Variants in HEPHL1 observed in about 807,000 individuals in gnomAD.
HEPHL1 encodes the protein hephaestin like 1.
Under a neutral mutation model 122.0 loss-of-function variants are expected in HEPHL1, and 123 were observed. The ratio of observed to expected loss-of-function variants is 1.01; its 90% CI spans 0.87 to 1.17. The LOEUF is 1.17. HEPHL1 is among the 50% of genes most tolerant of loss of function. The probability of loss-of-function intolerance (pLI) is 0.00; values close to 1 mark genes in which losing one functional copy is unlikely to be tolerated. For synonymous variants in HEPHL1, 527 were observed against 508.9 expected, an observed-to-expected ratio of 1.04 and a Z score of -0.48; for missense variants, 1,452 against 1,430.5, an observed-to-expected ratio of 1.01 and a Z score of -0.24.
In HEPHL1 at chr11:94,039,296, A is replaced by G. The variant is rs1001594325; in HGVS notation, c.171-6377A>G. On this transcript the variant is annotated intron_variant, in intron 1 of 19. Transcript: ENST00000315765. ...GGGAGACTTTAACACCTCACTGTCA[A>G]CATTAGACAGATCAACGAGACAGAA... Among the ~76,000 whole-genome samples the G allele has an allele frequency of 4.0e-5, 6 of 151,496 alleles. No individual in the cohort carries two copies. In the South Asian group the frequency reaches 6.4e-4, roughly 16 times the overall value.
At chr11:94,068,454 A>G (rs1293161697) in intron 5 of HEPHL1, among the ~76,000 whole-genome samples, 1 of 152,182 alleles carries the variant, frequency 6.6e-6, no homozygotes, top group African/African-American at 2.4e-5. Context: ...TAGGTGCATG[A>G]TAAACATTTG....
chr11:94,106,021 A>G lies in HEPHL1; in HGVS notation c.2936A>G (p.His979Arg), dbSNP rs1946405501. The G allele has an allele frequency of 6.3e-7, 1 of 1,598,342 alleles. No homozygotes were observed. Among genetic ancestry groups the G allele is most frequent in the African/African-American group, 1.3e-5 (1 of 74,884 alleles). ...AATGGAAAGATTTTTGGGAATCTCC[A>G]TGGCCTCATAATGAACGAAGATACA... ...AINGKIFGNL[H>R]GLIMNEDTMT... The change falls in exon 17 of 20, where the codon CAT (histidine) becomes CGT (arginine). Residue 979 changes from histidine to arginine, a missense_variant. Physicochemically the swap from His to Arg is conservative, Grantham distance 29. Transcript: ENST00000315765.
intron 5 of HEPHL1, among the ~76,000 whole-genome samples, chr11:94,069,924 T>C (rs1165362999): frequency 6.6e-6 from 1 of 152,148 alleles, no homozygotes; most frequent in African/African-American, 2.4e-5. Context: ...TGTATGAGTA[T>C]GGCTCTTTCC....
Position 94,055,992 on chromosome 11 carries a change from T to G in HEPHL1, c.416-7516T>G, listed in dbSNP as rs1945933143. On this transcript the variant is annotated intron_variant, in intron 2 of 19. Transcript: ENST00000315765. Reference sequence around the variant, plus strand: ...AGCCATGTTTCCTTCTGCTGGACCCTTTCGCAGCCAGCTTCCATTCTCTGT... The same window carrying G: ...AGCCATGTTTCCTTCTGCTGGACCCGTTCGCAGCCAGCTTCCATTCTCTGT... 7 of 991,930 alleles carry G rather than the reference T, an allele frequency of 7.1e-6. No individual in the cohort carries two copies. The South Asian group carries it at 1.1e-4, about 15-fold the overall frequency. The allele number at this position is 991,930 out of a possible 1,614,324, so 61.4% of individuals were successfully genotyped here.
chr11:94,055,890 T>A, intron 2 of HEPHL1: 1 of 742,826 alleles, frequency 1.3e-6, no homozygotes. Flanking sequence ...ATCCACATAA[T>A]ATAAGGCAGA....
At chr11:94,076,595 T>TA (rs1438574345) in intron 9 of HEPHL1, among the ~76,000 whole-genome samples, 2 of 147,064 alleles carry the variant, frequency 1.4e-5, no homozygotes, top group Non-Finnish European at 3.0e-5. Flanking sequence ...TCAGTCCACT[T>TA]ACACAAAATT....
intron 1 of HEPHL1, among the ~76,000 whole-genome samples, chr11:94,032,182 T>C (rs911585211): frequency 1.3e-5 from 2 of 152,214 alleles, no homozygotes; most frequent in African/African-American, 4.8e-5. Flanking sequence ...TTATCCACCC[T>C]GAAATGCTTC....
chr11:94,107,798 C>T (rs1050721211), intron 17 of HEPHL1, among the ~76,000 whole-genome samples: 2 of 152,256 alleles, frequency 1.3e-5, no homozygotes, highest in Non-Finnish European at 2.9e-5. Context: ...TGTTGAGGAA[C>T]ATTTGAGTTA....
chr11:94,063,613 C>G lies in HEPHL1; in HGVS notation c.521C>G (p.Pro174Arg). Residue 174 changes from proline (P) to arginine (R), a missense_variant, in exon 3 of 20, where the codon CCT becomes CGT. Coordinates refer to ENST00000315765, the MANE Select transcript of HEPHL1 (RefSeq NM_001098672.2). Reference protein sequence around the residue: ...YVWPVREEYAPTPADANCLTW... With the variant: ...YVWPVREEYARTPADANCLTW... ...TGGCCGGTGAGAGAAGAATATGCAC[C>G]TACTCCAGCCGATGCCAACTGCCTG... 6.2e-7 allele frequency: 1 copy of G among 1,613,764 alleles called. No homozygotes were observed. The highest frequency in any genetic ancestry group is 8.5e-7 in the Non-Finnish European group (1 of 1,179,796).
chr11:94,102,402 G>T (rs995710180), intron 14 of HEPHL1, among the ~76,000 whole-genome samples: 12 of 152,110 alleles, frequency 7.9e-5, no homozygotes, highest in African/African-American at 2.9e-4. Context: ...TCTGATTCTG[G>T]TTCTCACCAG....
chr11:94,103,691 A>C (rs1307939579), intron 15 of HEPHL1, among the ~76,000 whole-genome samples: 1 of 152,228 alleles, frequency 6.6e-6, no homozygotes, highest in Non-Finnish European at 1.5e-5. Flanking sequence ...TCCAATCTAA[A>C]GTCGTTATTT....
rs556216009 is a variant in HEPHL1, at chr11:94,027,883, T to A, written c.170+6345T>A. ...CAGATGGTATTAAAAATTATTAATC[T>A]AATAGGGAGGGTGCAGCTTCACCAA... On this transcript the variant is annotated intron_variant, in intron 1 of 19. Coordinates refer to ENST00000315765, the MANE Select transcript of HEPHL1 (RefSeq NM_001098672.2). Among the ~76,000 whole-genome samples the A allele has an allele frequency of 8.5e-5, 13 of 152,300 alleles. 1 individual carries two copies. The South Asian group carries it at 2.7e-3, about 32-fold the overall frequency.
chr11:94,048,543 A>T (rs1353916392), intron 2 of HEPHL1, among the ~76,000 whole-genome samples: 3 of 151,946 alleles, frequency 2.0e-5, no homozygotes, highest in African/African-American at 2.4e-5. Context: ...AAATTTTTTC[A>T]TAGAGATAGG....
intron 17 of HEPHL1, among the ~76,000 whole-genome samples, 168 bp downstream of exon 17, chr11:94,106,298 T>C (rs1207623600): frequency 2.0e-5 from 3 of 149,960 alleles, no homozygotes; most frequent in Non-Finnish European, 4.5e-5. Context: ...CTTTTCTTTT[T>C]TTTTTTTTTT....
At chr11:94,093,994 AT>A in intron 13 of HEPHL1, among the ~76,000 whole-genome samples, 1 of 88,712 alleles carries the variant, frequency 1.1e-5, no homozygotes, top group Non-Finnish European at 2.1e-5. Context: ...ATATATATAT[AT>A]ATATATATAT....
intron 1 of HEPHL1, among the ~76,000 whole-genome samples, chr11:94,028,093 C>T (rs1189508740): frequency 6.6e-6 from 1 of 152,176 alleles, no homozygotes; most frequent in African/African-American, 2.4e-5. Context: ...CATTATTTTG[C>T]AGTTTATCTT....
intron 16 of HEPHL1, 131 bp from the exon 17 acceptor site, chr11:94,105,860 G>A: frequency 1.8e-6 from 1 of 541,818 alleles, no homozygotes; most frequent in East Asian, 3.0e-5. Context: ...ACACTGCTAG[G>A]GGTGAGTGAG....
intron 2 of HEPHL1, among the ~76,000 whole-genome samples, chr11:94,062,854 G>T (rs1945997888): frequency 1.3e-5 from 2 of 152,170 alleles, no homozygotes; most frequent in Admixed American, 6.5e-5. Flanking sequence ...GTAAGGGGCT[G>T]TTCTGCCCCT....
At chr11:94,109,601 A>G (rs1269275006) in intron 17 of HEPHL1, among the ~76,000 whole-genome samples, 4 of 152,192 alleles carry the variant, frequency 2.6e-5, no homozygotes, top group South Asian at 2.1e-4. Context: ...TATTGAGATG[A>G]TCAGATGCTT....
Sources: gnomAD v4.1 joint callset for allele counts (sites outside exome capture counted in the v4.1 genomes callset) on GRCh38, gnomAD v4.1.1 for gene constraint, MANE v1.5 for transcripts, NCBI Gene and HGNC (gene_info 2026-07-23, HGNC 2026-07-21) for gene names.